DNAI3: variants seen among roughly 807,000 people sequenced by gnomAD.
DNAI3 encodes WD repeat domain 63.
A neutral mutation model predicts 115.5 loss-of-function variants in DNAI3; 83 were observed. The ratio of observed to expected loss-of-function variants is 0.72; its 90% confidence interval spans 0.60 to 0.86. The LOEUF (loss-of-function observed/expected upper bound fraction) is 0.86, where lower values mean the gene tolerates loss of function less well. Among genes scored for constraint, DNAI3 ranks in the 40% least tolerant of loss-of-function variants. The probability of loss-of-function intolerance (pLI) is 0.00; values close to 1 mark genes in which losing one functional copy is unlikely to be tolerated. For missense variants in DNAI3, 1,004 were observed against 1,075.8 expected (o/e 0.93, Z 0.93); for synonymous variants, 320 against 347.0 (o/e 0.92, Z 0.86).
At chr1:85,103,739 T>C (rs576603441) in intron 13 of DNAI3, among the ~76,000 whole-genome samples, 1 of 151,700 alleles carries the variant, frequency 6.6e-6, no homozygotes, top group South Asian at 2.1e-4. Context: ...ATACAAAAAT[T>C]GGCTGGGCAT....
intron 3 of DNAI3, among the ~76,000 whole-genome samples, chr1:85,077,025 T>G (rs1015244549): frequency 1.3e-5 from 2 of 152,176 alleles, no homozygotes; most frequent in Non-Finnish European, 2.9e-5. Flanking sequence ...ATTAAATTAG[T>G]AGTACATGCA....
intron 19 of DNAI3, 106 bp from the exon 20 acceptor site, chr1:85,126,405 A>G: frequency 8.4e-7 from 1 of 1,197,480 alleles, no homozygotes; most frequent in Non-Finnish European, 1.1e-6. Context: ...TTTTGTTGTT[A>G]TATGATCATA....
intron 22 of DNAI3, among the ~76,000 whole-genome samples, chr1:85,132,497 A>G (rs932554150): frequency 2.0e-5 from 3 of 152,246 alleles, no homozygotes; most frequent in Non-Finnish European, 4.4e-5. Flanking sequence ...GTGATCCACA[A>G]GCTATGCCAT....
intron 1 of DNAI3, among the ~76,000 whole-genome samples, chr1:85,068,516 G>T (rs1012101021): frequency 6.6e-6 from 1 of 152,116 alleles, no homozygotes; most frequent in African/African-American, 2.4e-5. Context: ...CTCGCAGCTG[G>T]ATTTCCTGCT....
chr1:85,119,696 T>C (rs1001823046), intron 17 of DNAI3, among the ~76,000 whole-genome samples: 12 of 151,898 alleles, frequency 7.9e-5, no homozygotes, highest in African/African-American at 2.7e-4. Context: ...TTTTCCTTTT[T>C]TCTTTTTTCT....
intron 20 of DNAI3, among the ~76,000 whole-genome samples, chr1:85,128,460 A>G (rs1656215200): frequency 6.6e-6 from 1 of 152,200 alleles, no homozygotes; most frequent in Admixed American, 6.5e-5. Context: ...GTCACCAGAA[A>G]TACAAGTTTT....
chr1:85,115,643 C>CA (rs1271145473), intron 16 of DNAI3, among the ~76,000 whole-genome samples: 1 of 151,500 alleles, frequency 6.6e-6, no homozygotes, highest in Non-Finnish European at 1.5e-5. Context: ...TAGCCTTCCC[C>CA]AACCTTTTTT....
chr1:85,081,841 A>G (rs1471533849), intron 4 of DNAI3, among the ~76,000 whole-genome samples: 1 of 152,148 alleles, frequency 6.6e-6, no homozygotes, highest in African/African-American at 2.4e-5. Flanking sequence ...GGGTTTTGCC[A>G]TGTTGCTCAA....
intron 3 of DNAI3, among the ~76,000 whole-genome samples, chr1:85,080,870 GTT>G (rs1654615728): frequency 6.6e-6 from 1 of 152,144 alleles, no homozygotes; most frequent in Non-Finnish European, 1.5e-5. Context: ...CTAAAATTAT[GTT>G]TTAGACAGAT....
intron 1 of DNAI3, among the ~76,000 whole-genome samples, chr1:85,069,383 C>CTTTATTTG (rs1571151469): frequency 6.6e-6 from 1 of 151,504 alleles, no homozygotes; most frequent in East Asian, 1.9e-4. Context: ...TATTTTCCTC[C>CTTTATTTG]TTTATTTGTT....
At chr1:85,116,904 A>T (rs1026691453) in intron 16 of DNAI3, among the ~76,000 whole-genome samples, 1 of 152,194 alleles carries the variant, frequency 6.6e-6, no homozygotes, top group African/African-American at 2.4e-5. Context: ...CATGATAATC[A>T]TTTTTAAGTT....
chr1:85,105,774 G>C (rs1338192693), intron 14 of DNAI3, among the ~76,000 whole-genome samples: 1 of 152,124 alleles, frequency 6.6e-6, no homozygotes, highest in Non-Finnish European at 1.5e-5. Context: ...TTCTCTGAAT[G>C]AATCAGTGCC....
chr1:85,101,961 G>A (rs35623935), intron 13 of DNAI3, among the ~76,000 whole-genome samples: 50,509 of 151,454 alleles, frequency 0.33, 8,843 homozygotes, highest in South Asian at 0.42. Flanking sequence ...TCCAACACTA[G>A]GAGGCTGAGG....
intron 22 of DNAI3, 157 bp downstream of exon 22, chr1:85,130,269 C>G: frequency 9.3e-7 from 1 of 1,071,928 alleles, no homozygotes. Flanking sequence ...GATTTCCTAG[C>G]TCACTGCCAG....
intron 22 of DNAI3, among the ~76,000 whole-genome samples, chr1:85,130,436 G>T (rs927943425): frequency 2.0e-5 from 3 of 152,128 alleles, no homozygotes; most frequent in Non-Finnish European, 4.4e-5. Flanking sequence ...GGTGCAAAAA[G>T]AGTTGAATAT....
At chr1:85,080,486 G>C (rs1362738793) in intron 3 of DNAI3, among the ~76,000 whole-genome samples, 1 of 152,206 alleles carries the variant, frequency 6.6e-6, no homozygotes, top group Non-Finnish European at 1.5e-5. Flanking sequence ...AGGGCAGAAA[G>C]GTGGTGCCCA....
chr1:85,073,217 C>A, intron 3 of DNAI3, 125 bp downstream of exon 3: 2 of 602,376 alleles, frequency 3.3e-6, no homozygotes, highest in South Asian at 5.2e-5. Flanking sequence ...AAAATTATAC[C>A]ATTCCATTTA....
intron 18 of DNAI3, among the ~76,000 whole-genome samples, chr1:85,123,006 G>C (rs1162365194): frequency 6.6e-6 from 1 of 152,148 alleles, no homozygotes; most frequent in Non-Finnish European, 1.5e-5. Flanking sequence ...CTTGATCTTA[G>C]CATTAGAACC....
chr1:85,081,187 T>A lies in DNAI3; in HGVS notation c.104-47T>A, dbSNP rs761966184. ...ATTGCATGTTTTCTAATGCTAATATTTTAAGTGGTCATATTTAATGTCCAA... is the reference window on the plus strand; with the variant it reads ...ATTGCATGTTTTCTAATGCTAATATATTAAGTGGTCATATTTAATGTCCAA... On this transcript the variant is annotated intron_variant, in intron 3 of 22. Transcript: ENST00000294664. 9.6e-6 allele frequency: 14 copies of A among 1,458,582 alleles called. No individual in the cohort carries two copies. In the African/African-American group the frequency reaches 1.9e-4, roughly 20 times the overall value. 90.4% of individuals were successfully genotyped at this position (1,458,582 alleles called of 1,614,324 possible).
Sources: allele counts gnomAD v4.1 joint callset (sites outside exome capture counted in the v4.1 genomes callset), GRCh38; gene constraint gnomAD v4.1.1; transcripts MANE v1.5; gene names NCBI Gene and HGNC (gene_info 2026-07-23, HGNC 2026-07-21).